ACTR3C: variants seen among roughly 807,000 people sequenced by gnomAD.
ACTR3C encodes the protein actin-related protein 3C.
Under a neutral mutation model 26.3 loss-of-function variants are expected in ACTR3C, and 18 were observed. The observed-to-expected ratio is 0.68, with a 90% CI of 0.47 to 1.01. ACTR3C has a LOEUF of 1.01. ACTR3C is among the 50% of genes least tolerant of loss of function. ACTR3C has a pLI of 0.00. For missense variants in ACTR3C, 184 were observed against 250.7 expected, an observed-to-expected ratio of 0.73 and a Z score of 1.80; for synonymous variants, 55 against 94.5, an observed-to-expected ratio of 0.58 and a Z score of 2.42.
At chr7:150,168,332 C>T in the ACTR3C span, among the ~76,000 whole-genome samples, 1 of 150,664 alleles carries the variant, frequency 6.6e-6, no homozygotes, top group Admixed American at 6.6e-5. Context: ...TGTGAACTGC[C>T]TGTGTAAGGG....
chr7:150,047,221 C>T, the ACTR3C span, among the ~76,000 whole-genome samples: 1 of 151,502 alleles, frequency 6.6e-6, no homozygotes, highest in Non-Finnish European at 1.5e-5. Context: ...TCCCGGAGCA[C>T]GAAATAAATA....
chr7:150,019,599 A>AAATAAAAAAAATAAT, the ACTR3C span, among the ~76,000 whole-genome samples: 1 of 109,816 alleles, frequency 9.1e-6, no homozygotes, highest in African/African-American at 3.4e-5. Flanking sequence ...TCAAAAATAA[A>AAATAAAAAAAATAAT]AATAATAATA....
the ACTR3C span, chr7:149,891,110 C>A: frequency 1.9e-6 from 1 of 532,686 alleles, no homozygotes; most frequent in Non-Finnish European, 3.5e-6. Flanking sequence ...TTAAAACGCC[C>A]TAGAAAAGAA....
At chr7:150,023,346 TTTTAGAG>T in the ACTR3C span, among the ~76,000 whole-genome samples, 55 of 59,228 alleles carry the variant, frequency 9.3e-4, no homozygotes, top group African/African-American at 1.2e-3. Flanking sequence ...TACATATATA[TTTTAGAG>T]ACAGAGTTTC....
the ACTR3C span, among the ~76,000 whole-genome samples, chr7:150,066,331 T>C: frequency 3.3e-5 from 5 of 152,230 alleles, no homozygotes; most frequent in African/African-American, 9.6e-5. Context: ...CTGTGTGAAC[T>C]GGAACAGGCC....
At chr7:150,009,383 C>T in the ACTR3C span, among the ~76,000 whole-genome samples, 2 of 152,188 alleles carry the variant, frequency 1.3e-5, no homozygotes, top group African/African-American at 4.8e-5. Context: ...CAGTGAACAC[C>T]CGATGAAATT....
At chr7:150,138,398 A>C in the ACTR3C span, among the ~76,000 whole-genome samples, 83 of 152,354 alleles carry the variant, frequency 5.4e-4, 1 homozygote, top group Non-Finnish European at 9.4e-4. Flanking sequence ...AGACAGTATC[A>C]AATAGGATAA....
At chr7:150,034,892 G>GT in the ACTR3C span, among the ~76,000 whole-genome samples, 11 of 140,358 alleles carry the variant, frequency 7.8e-5, no homozygotes, top group African/African-American at 3.0e-4. Flanking sequence ...TCCCTACCTC[G>GT]CGGGGGGTGC....
chr7:150,313,584 G>C (rs1796518044), intron 1 of ACTR3C, among the ~76,000 whole-genome samples: 1 of 152,166 alleles, frequency 6.6e-6, no homozygotes, highest in African/African-American at 2.4e-5. Context: ...AATCAAGAAG[G>C]GAGGGGGGTA....
chr7:149,957,230 G>C, the ACTR3C span, among the ~76,000 whole-genome samples: 2 of 152,044 alleles, frequency 1.3e-5, no homozygotes, highest in East Asian at 3.9e-4. Context: ...GAGGGACCAA[G>C]AAGTCATTCA....
the ACTR3C span, among the ~76,000 whole-genome samples, chr7:149,930,867 T>C: frequency 6.6e-6 from 1 of 151,474 alleles, no homozygotes; most frequent in African/African-American, 2.4e-5. Context: ...CTGCAACCTC[T>C]GCCTTTTTAT....
chr7:150,232,296 AT>A, the ACTR3C span, among the ~76,000 whole-genome samples: 9 of 152,058 alleles, frequency 5.9e-5, no homozygotes, highest in Non-Finnish European at 1.2e-4. Flanking sequence ...ATATAGTTGG[AT>A]TTTTTTTACC....
chr7:150,073,424 A>T, the ACTR3C span, among the ~76,000 whole-genome samples: 1 of 151,154 alleles, frequency 6.6e-6, no homozygotes, highest in Admixed American at 6.6e-5. Flanking sequence ...GTCCTCAAAA[A>T]TTCTTTTCTA....
intron 6 of ACTR3C, among the ~76,000 whole-genome samples, chr7:150,253,431 T>G (rs1488617309): frequency 6.6e-6 from 1 of 152,214 alleles, no homozygotes; most frequent in Non-Finnish European, 1.5e-5. Flanking sequence ...CTGTGATCCA[T>G]GCAGAGCTCT....
At chr7:150,045,359 G>T in the ACTR3C span, among the ~76,000 whole-genome samples, 2 of 152,338 alleles carry the variant, frequency 1.3e-5, no homozygotes, top group South Asian at 2.1e-4. Flanking sequence ...AAAGTTTGTT[G>T]TTGTTTTTAA....
the ACTR3C span, among the ~76,000 whole-genome samples, chr7:150,021,331 A>G: frequency 6.6e-6 from 1 of 151,944 alleles, no homozygotes; most frequent in Non-Finnish European, 1.5e-5. Context: ...GTATATGCAT[A>G]TACGTTTTAT....
At chr7:149,972,968 AC>A in the ACTR3C span, among the ~76,000 whole-genome samples, 1 of 151,956 alleles carries the variant, frequency 6.6e-6, no homozygotes, top group Non-Finnish European at 1.5e-5. Context: ...AGTGGGTGGC[AC>A]GCCTGTCCCA....
chr7:150,046,305 G>A, the ACTR3C span, among the ~76,000 whole-genome samples: 1 of 125,866 alleles, frequency 7.9e-6, no homozygotes, highest in East Asian at 3.1e-4. Context: ...ATAGTATCTG[G>A]CAATTAGGAA....
the ACTR3C span, among the ~76,000 whole-genome samples, chr7:150,163,408 AC>A: frequency 6.6e-6 from 1 of 151,668 alleles, no homozygotes; most frequent in Non-Finnish European, 1.5e-5. Flanking sequence ...GTGTGTATAC[AC>A]ATACACACTT....
Sources: gnomAD v4.1 joint callset for allele counts (sites outside exome capture counted in the v4.1 genomes callset) on GRCh38, gnomAD v4.1.1 for gene constraint, MANE v1.5 for transcripts, NCBI Gene and HGNC (gene_info 2026-07-23, HGNC 2026-07-21) for gene names.